PTPRQ: variants seen among roughly 807,000 people sequenced by gnomAD.
The protein encoded by PTPRQ is protein tyrosine phosphatase receptor type Q, also known as phosphatidylinositol phosphatase PTPRQ.
Under a neutral mutation model 246.0 loss-of-function variants are expected in PTPRQ, and 199 were observed. The observed-to-expected ratio is 0.81, with a 90% CI of 0.72 to 0.91. The LOEUF (loss-of-function observed/expected upper bound fraction) is 0.91. Ranked by LOEUF, PTPRQ falls within the 40% of genes least tolerant of loss-of-function variation. The pLI is 0.00. For missense variants in PTPRQ, 2,624 were observed against 2,528.4 expected (o/e 1.04, Z -0.81); for synonymous variants, 869 against 853.2 (o/e 1.02, Z -0.32).
At chr12:80,611,538 A>G (rs893394502) in intron 28 of PTPRQ, among the ~76,000 whole-genome samples, 1 of 150,278 alleles carries the variant, frequency 6.7e-6, no homozygotes, top group Non-Finnish European at 1.5e-5. Context: ...CTATTTTCTG[A>G]TTATGCTTTT....
At chr12:80,634,795 C>T (rs1899578369) in intron 34 of PTPRQ, 150 bp from the exon 35 acceptor site, 41 of 1,130,532 alleles carry the variant, frequency 3.6e-5, no homozygotes, top group Non-Finnish European at 4.2e-5. Flanking sequence ...AAAAAGAAGT[C>T]GAGTAGCTAT....
intron 43 of PTPRQ, among the ~76,000 whole-genome samples, chr12:80,677,960 T>C (rs1413899193): frequency 6.6e-6 from 1 of 152,136 alleles, no homozygotes; most frequent in East Asian, 1.9e-4. Context: ...GTTATTGAAT[T>C]ATATTGAAAA....
At chr12:80,643,515 A>G (rs1222506887) in intron 35 of PTPRQ, among the ~76,000 whole-genome samples, 1 of 152,180 alleles carries the variant, frequency 6.6e-6, no homozygotes, top group Non-Finnish European at 1.5e-5. Flanking sequence ...TCAGCTGTAT[A>G]GGACCAACCA....
At chr12:80,550,410 C>A (rs921987980) in intron 25 of PTPRQ, among the ~76,000 whole-genome samples, 1 of 152,128 alleles carries the variant, frequency 6.6e-6, no homozygotes, top group Non-Finnish European at 1.5e-5. Flanking sequence ...ATCTTGGAAA[C>A]GTCTTTCAAG....
chr12:80,445,606 T>C lies in PTPRQ; in HGVS notation c.279T>C (p.Tyr93=), dbSNP rs1892529274. Residue 93 remains tyrosine (Y), a synonymous_variant, in exon 3 of 45, where the codon TAT becomes TAC. Transcript: ENST00000644991. ...GGATTATATCTTACATTGTCAAATA[T>C]AAGGAAGTTTGTCCGTGGATGCAAA... ...NGRIISYIVK[Y]KEVCPWMQTV... is the part of the protein sequence containing the mutation. The C allele has an allele frequency of 6.5e-6, 10 of 1,549,852 alleles. No individual in the cohort carries two copies. Among genetic ancestry groups the C allele is most frequent in the Non-Finnish European group, 8.7e-6 (10 of 1,145,772 alleles).
intron 30 of PTPRQ, among the ~76,000 whole-genome samples, chr12:80,619,054 AG>A (rs1898875167): frequency 6.6e-6 from 1 of 151,580 alleles, no homozygotes; most frequent in African/African-American, 2.4e-5. Flanking sequence ...CTAAAATTAT[AG>A]TAAAAAGTAA....
chr12:80,612,227 G>A (rs73349788), intron 28 of PTPRQ, among the ~76,000 whole-genome samples: 11,925 of 149,968 alleles, frequency 0.08, 1,140 homozygotes, highest in African/African-American at 0.23. Flanking sequence ...TAATGTATTG[G>A]TGCTTAGCTT....
At chr12:80,466,802 A>G (rs1893434886) in intron 6 of PTPRQ, among the ~76,000 whole-genome samples, 1 of 152,194 alleles carries the variant, frequency 6.6e-6, no homozygotes, top group Non-Finnish European at 1.5e-5. Flanking sequence ...CTGGCTAGCC[A>G]TATGTAGAAA....
intron 35 of PTPRQ, among the ~76,000 whole-genome samples, chr12:80,648,444 A>G (rs12228185): frequency 0.2 from 30,828 of 151,920 alleles, 4,804 homozygotes; most frequent in African/African-American, 0.43. Context: ...ATTTATCCAA[A>G]CTCACTCATG....
chr12:80,489,228 C>T (rs1178859515), intron 9 of PTPRQ, among the ~76,000 whole-genome samples: 1 of 152,046 alleles, frequency 6.6e-6, no homozygotes, highest in Non-Finnish European at 1.5e-5. Context: ...TAAGTCTCCT[C>T]TCTAGACCAA....
chr12:80,602,585 T>C (rs1898178904), intron 26 of PTPRQ, among the ~76,000 whole-genome samples: 1 of 151,770 alleles, frequency 6.6e-6, no homozygotes, highest in Non-Finnish European at 1.5e-5. Context: ...GAGCAAGCTA[T>C]CCAAATGCTT....
chr12:80,613,240 T>G (rs999147959), intron 28 of PTPRQ, among the ~76,000 whole-genome samples: 10 of 150,672 alleles, frequency 6.6e-5, no homozygotes, highest in African/African-American at 2.4e-4. Context: ...TGGTATGTCC[T>G]GTTTTTGCCA....
intron 27 of PTPRQ, among the ~76,000 whole-genome samples, chr12:80,607,170 A>G (rs539321844): frequency 2.6e-5 from 4 of 151,098 alleles, no homozygotes; most frequent in Non-Finnish European, 5.9e-5. Flanking sequence ...TCATATAAAC[A>G]TTATTACCTT....
At chr12:80,653,586 A>G (rs1366821731) in intron 38 of PTPRQ, among the ~76,000 whole-genome samples, 1 of 152,212 alleles carries the variant, frequency 6.6e-6, no homozygotes, top group African/African-American at 2.4e-5. Flanking sequence ...AAGATAATAT[A>G]CATCTGTGTG....
chr12:80,590,380 C>A (rs1040956858), intron 26 of PTPRQ, among the ~76,000 whole-genome samples: 3 of 152,028 alleles, frequency 2.0e-5, no homozygotes, highest in African/African-American at 7.2e-5. Flanking sequence ...TTAAAACTAT[C>A]CAATGGGCTG....
chr12:80,488,697 C>T (rs2120628366), intron 9 of PTPRQ, among the ~76,000 whole-genome samples: 1 of 152,078 alleles, frequency 6.6e-6, no homozygotes. Flanking sequence ...GTAGATATAA[C>T]ATGATGATTA....
chr12:80,525,271 T>C (rs2120772623), intron 17 of PTPRQ, among the ~76,000 whole-genome samples: 1 of 152,284 alleles, frequency 6.6e-6, no homozygotes, highest in South Asian at 2.1e-4. Context: ...ATAGTCAAGA[T>C]TCTTTTTGTT....
chr12:80,475,429 C>T (rs1034401632), intron 8 of PTPRQ, among the ~76,000 whole-genome samples: 2 of 151,908 alleles, frequency 1.3e-5, no homozygotes, highest in Non-Finnish European at 2.9e-5. Context: ...GTAAATGTAT[C>T]GACTTGAGAA....
At chr12:80,552,997 CTT>C (rs1167662263) in intron 25 of PTPRQ, among the ~76,000 whole-genome samples, 1 of 151,904 alleles carries the variant, frequency 6.6e-6, no homozygotes, top group Non-Finnish European at 1.5e-5. Flanking sequence ...ACCGCAAACT[CTT>C]TGCTTGTAGG....
Sources: allele counts gnomAD v4.1 joint callset (sites outside exome capture counted in the v4.1 genomes callset), GRCh38; gene constraint gnomAD v4.1.1; transcripts MANE v1.5; gene names NCBI Gene and HGNC (gene_info 2026-07-23, HGNC 2026-07-21).